SDK1: variants seen among roughly 807,000 people sequenced by gnomAD.
SDK1 encodes the protein sidekick cell adhesion molecule 1.
A neutral mutation model predicts 245.5 loss-of-function variants in SDK1; 157 were observed. The ratio of observed to expected loss-of-function variants is 0.64; its 90% CI spans 0.56 to 0.73. The LOEUF is 0.73. Ranked by LOEUF, SDK1 falls within the 30% of genes least tolerant of loss-of-function variation. The probability of loss-of-function intolerance (pLI) is 0.00; values close to 1 mark genes in which losing one functional copy is unlikely to be tolerated. For synonymous variants in SDK1, 1,647 were observed against 1,278.5 expected, an observed-to-expected ratio of 1.29 and a Z score of -6.15; for missense variants, 3,583 against 3,002.3, an observed-to-expected ratio of 1.19 and a Z score of -4.52.
rs188905170 is a variant in SDK1 at position 3,680,490 on chromosome 7, T to C, written c.713+38385T>C. Among the ~76,000 whole-genome samples the C allele has an allele frequency of 8.4e-4, 128 of 152,288 alleles. 1 individual carries two copies. Among genetic ancestry groups the C allele is most frequent in the African/African-American group, 3.0e-3 (126 of 41,572 alleles). On this transcript the variant is annotated intron_variant, in intron 4 of 44. Coordinates refer to ENST00000404826, the MANE Select transcript of SDK1 (RefSeq NM_152744.4). ...GAGTACATGGAAAAATGATGAAATC[T>C]AAGTGAGGTCTGGGTGTTGTTCCAA...
At chr7:4,221,927 G>A (rs1035567541) in intron 40 of SDK1, among the ~76,000 whole-genome samples, 1 of 152,136 alleles carries the variant, frequency 6.6e-6, no homozygotes, top group Non-Finnish European at 1.5e-5. Context: ...GGCATTATTG[G>A]GAAATGAGTT....
intron 14 of SDK1, among the ~76,000 whole-genome samples, chr7:4,009,298 G>C (rs1785750496): frequency 6.6e-6 from 1 of 152,206 alleles, no homozygotes; most frequent in South Asian, 2.1e-4. Flanking sequence ...GGCACGAAGG[G>C]GCCCTGCCTT....
At chr7:4,143,588 G>GCA (rs1287915266) in intron 28 of SDK1, among the ~76,000 whole-genome samples, 1 of 152,210 alleles carries the variant, frequency 6.6e-6, no homozygotes, top group Non-Finnish European at 1.5e-5. Context: ...GCCCAGAGGT[G>GCA]CACCCCCAAA....
intron 5 of SDK1, among the ~76,000 whole-genome samples, chr7:3,864,125 A>G (rs1780764419): frequency 6.6e-6 from 1 of 152,152 alleles, no homozygotes; most frequent in Non-Finnish European, 1.5e-5. Flanking sequence ...TTTTGTTTTC[A>G]TAATAAACAT....
chr7:3,689,326 G>A (rs573972619), intron 4 of SDK1, among the ~76,000 whole-genome samples: 1 of 152,234 alleles, frequency 6.6e-6, no homozygotes, highest in African/African-American at 2.4e-5. Flanking sequence ...CCTCCTCCCT[G>A]TTCCTGTTGG....
intron 1 of SDK1, among the ~76,000 whole-genome samples, chr7:3,551,821 A>G (rs1779424402): frequency 1.3e-5 from 2 of 152,092 alleles, no homozygotes; most frequent in Admixed American, 6.5e-5. Flanking sequence ...GATTACAGGC[A>G]TGAGCCACTG....
rs551353336 is a variant in SDK1, at chr7:3,789,925, C to T, written c.714-31525C>T. On this transcript the variant is annotated intron_variant, in intron 4 of 44. Transcript: ENST00000404826. Reference sequence around the variant, plus strand: ...ACAGGCTGTGTTGGGGGGTTGGGGGCGGGTAGGGGGCAAGTGGCAGGAGTG... The same window carrying T: ...ACAGGCTGTGTTGGGGGGTTGGGGGTGGGTAGGGGGCAAGTGGCAGGAGTG... Among the ~76,000 whole-genome samples, 49 of 137,888 alleles carry T rather than the reference C, an allele frequency of 3.6e-4. 1 individual carries two copies. In the South Asian group the frequency reaches 0.012, roughly 33 times the overall value. The allele number at this position is 137,888 out of a possible 152,430, so 90.5% of individuals were successfully genotyped here. A position where few individuals can be genotyped will look rare whatever the true frequency, so the allele number is the denominator to read the frequency against.
intron 4 of SDK1, among the ~76,000 whole-genome samples, chr7:3,748,429 A>G (rs1418462309): frequency 6.6e-6 from 1 of 152,234 alleles, no homozygotes; most frequent in Non-Finnish European, 1.5e-5. Context: ...TAACGGGCTT[A>G]TGGAATAATA....
At chr7:3,492,764 G>A (rs184187656) in intron 1 of SDK1, among the ~76,000 whole-genome samples, 85 of 152,190 alleles carry the variant, frequency 5.6e-4, no homozygotes, top group African/African-American at 2.0e-3. Flanking sequence ...CACCTCATTG[G>A]CAATAATGGC....
intron 1 of SDK1, among the ~76,000 whole-genome samples, chr7:3,581,001 C>CAAAAAAAA (rs1562578424): frequency 1.1e-5 from 1 of 94,730 alleles, no homozygotes; most frequent in Non-Finnish European, 2.1e-5. Flanking sequence ...AAAACCAAAA[C>CAAAAAAAA]AAAACCCTGG....
At chr7:4,011,998 G>T in intron 15 of SDK1, 97 bp from the exon 16 acceptor site, 1 of 1,115,922 alleles carries the variant, frequency 9.0e-7, no homozygotes. Context: ...TTTGTGAATA[G>T]TCAGGCTCAA....
At chr7:3,755,267 G>C (rs1233137216) in intron 4 of SDK1, among the ~76,000 whole-genome samples, 1 of 152,114 alleles carries the variant, frequency 6.6e-6, no homozygotes, top group African/African-American at 2.4e-5. Context: ...GGCTTCCTCT[G>C]ATTGGCCTTG....
intron 1 of SDK1, among the ~76,000 whole-genome samples, chr7:3,525,179 G>C (rs1783079541): frequency 6.6e-6 from 1 of 152,028 alleles, no homozygotes; most frequent in African/African-American, 2.4e-5. Context: ...TTGAGCATCT[G>C]AGGTTTTGGG....
chr7:3,548,655 T>C (rs1779306678), intron 1 of SDK1, among the ~76,000 whole-genome samples: 1 of 152,218 alleles, frequency 6.6e-6, no homozygotes, highest in Non-Finnish European at 1.5e-5. Flanking sequence ...TCCAGATTGC[T>C]CTCCAGAAAG....
intron 11 of SDK1, among the ~76,000 whole-genome samples, chr7:3,970,613 G>C (rs1177587530): frequency 6.6e-6 from 1 of 152,160 alleles, no homozygotes; most frequent in Admixed American, 6.5e-5. Context: ...TAGATCATTC[G>C]CCAGAAAATT....
chr7:3,847,736 A>G (rs1166868291), intron 5 of SDK1, among the ~76,000 whole-genome samples: 3 of 152,262 alleles, frequency 2.0e-5, no homozygotes, highest in Non-Finnish European at 4.4e-5. Context: ...AAATAGTTGC[A>G]AGGAATATTT....
At chr7:3,605,847 T>C (rs551127718) in intron 1 of SDK1, among the ~76,000 whole-genome samples, 1 of 152,318 alleles carries the variant, frequency 6.6e-6, no homozygotes. Flanking sequence ...TCAAATTAAG[T>C]TGTTTTGGTT....
intron 5 of SDK1, among the ~76,000 whole-genome samples, chr7:3,838,200 G>T (rs1780068262): frequency 6.6e-6 from 1 of 152,246 alleles, no homozygotes; most frequent in African/African-American, 2.4e-5. Flanking sequence ...CTGCATGGCT[G>T]TACACAGCAA....
chr7:3,575,937 T>C lies in SDK1; in HGVS notation c.299-43143T>C, dbSNP rs115877333. Among the ~76,000 whole-genome samples the C allele has an allele frequency of 6.0e-3, 906 of 152,174 alleles. 13 individuals are homozygous for C. The highest frequency in any genetic ancestry group is 0.018 in the South Asian group (86 of 4,818). The stretch of plus-strand genomic sequence containing the variant: ...GAGATGAAGCCTTTCATCTCTGTTC[T>C]GTTCTTCCCCATGTGAGCCAGGTCA... On this transcript the variant is annotated intron_variant, in intron 1 of 44. Coordinates refer to ENST00000404826, the MANE Select transcript of SDK1 (RefSeq NM_152744.4).
Sources: allele counts gnomAD v4.1 joint callset (sites outside exome capture counted in the v4.1 genomes callset), GRCh38; gene constraint gnomAD v4.1.1; transcripts MANE v1.5; gene names NCBI Gene and HGNC (gene_info 2026-07-23, HGNC 2026-07-21).